The following TMEM243 variants were observed in gnomAD, a reference collection of about 807,000 sequenced individuals.
TMEM243 encodes the protein MDR1 and mitochondrial taxol resistance associated.
TMEM243 carries 20 observed loss-of-function variants against 15.0 expected under a neutral mutation model. The ratio of observed to expected loss-of-function variants is 1.33; its 90% CI spans 0.94 to 1.93. TMEM243 has a LOEUF of 1.93. TMEM243 is among the 30% of genes most tolerant of loss of function. The probability of loss-of-function intolerance (pLI) is 0.00; values close to 1 mark genes in which losing one functional copy is unlikely to be tolerated. For synonymous variants in TMEM243, 72 were observed against 52.7 expected, an observed-to-expected ratio of 1.37 and a Z score of -1.59; for missense variants, 156 against 142.1, an observed-to-expected ratio of 1.10 and a Z score of -0.50.
chr7:87,219,456 G>T lies in TMEM243; in HGVS notation c.48C>A (p.Asn16Lys), dbSNP rs1318481451. ...TRTYGTSGLD[N>K]RPLFGETSAK... is the part of the protein sequence containing the mutation. ...CGGACGTCTCCCCAAACAGAGGTCTGTTGTCCAGGCCACTGGTGCCGTAGG... is the reference window on the plus strand; with the variant it reads ...CGGACGTCTCCCCAAACAGAGGTCTTTTGTCCAGGCCACTGGTGCCGTAGG... The change falls in exon 1 of 4, where the codon AAC becomes AAA. Residue 16 changes from asparagine (N) to lysine (K), a missense_variant. By Grantham distance (94) the Asn-to-Lys change is moderately conservative (BLOSUM62 0). Coordinates refer to ENST00000257637, the MANE Select transcript of TMEM243 (RefSeq NM_024315.4). The T allele has an allele frequency of 5.6e-6, 9 of 1,614,254 alleles. No individual in the cohort carries two copies. Among genetic ancestry groups the T allele is most frequent in the Non-Finnish European group, 5.9e-6 (7 of 1,180,046 alleles).
rs1562884952 is a variant in TMEM243 at position 87,209,669 on chromosome 7, A to ACACAGT, written c.78+9756_78+9757insACTGTG. ...GACAGTGAGAGACAGAGCGAGAGAG[A>ACACAGT]GCGAGAGCGAGACACAGCGAGAGAG... On this transcript the variant is annotated intron_variant, in intron 1 of 3. Transcript: ENST00000257637. 1.3e-3 allele frequency among the ~76,000 whole-genome samples: 131 copies of ACACAGT among 98,426 alleles called. 1 individual carries two copies. Among genetic ancestry groups the ACACAGT allele is most frequent in the Non-Finnish European group, 2.1e-3 (98 of 45,986 alleles). The allele number at this position is 98,426 out of a possible 152,430, so 64.6% of individuals were successfully genotyped here.
chr7:87,200,521 C>T (rs1436837636), intron 1 of TMEM243, among the ~76,000 whole-genome samples: 1 of 152,132 alleles, frequency 6.6e-6, no homozygotes, highest in African/African-American at 2.4e-5. Context: ...TGAAGCACTG[C>T]ATACCTCATA....
chr7:87,197,318 C>T (rs1305343469), intron 3 of TMEM243, among the ~76,000 whole-genome samples: 1 of 150,390 alleles, frequency 6.6e-6, no homozygotes, highest in African/African-American at 2.5e-5. Flanking sequence ...AAGCAAATTA[C>T]TATTGTTTTT....
At chr7:87,215,416 T>A (rs1000078796) in intron 1 of TMEM243, among the ~76,000 whole-genome samples, 127 of 152,330 alleles carry the variant, frequency 8.3e-4, no homozygotes, top group Middle Eastern at 6.8e-3. Flanking sequence ...AAATTTTTTT[T>A]TAAATATTGA....
At chr7:87,219,329 CT>C in intron 1 of TMEM243, 96 bp downstream of exon 1, 1 of 1,226,630 alleles carries the variant, frequency 8.2e-7, no homozygotes, top group Non-Finnish European at 1.2e-6. Context: ...CCTAAAAGTG[CT>C]TTTAGGAGCC....
At chr7:87,206,084 AG>A (rs1209815332) in intron 1 of TMEM243, among the ~76,000 whole-genome samples, 1 of 152,222 alleles carries the variant, frequency 6.6e-6, no homozygotes, top group African/African-American at 2.4e-5. Flanking sequence ...GCCAAGCAAA[AG>A]GGGCTTCCCC....
chr7:87,203,878 T>A (rs1802007254), intron 1 of TMEM243, among the ~76,000 whole-genome samples: 1 of 152,166 alleles, frequency 6.6e-6, no homozygotes, highest in Non-Finnish European at 1.5e-5. Flanking sequence ...AAAGGCATAA[T>A]GTCAACTCAT....
chr7:87,211,473 T>A (rs2129235450), intron 1 of TMEM243, among the ~76,000 whole-genome samples: 1 of 152,292 alleles, frequency 6.6e-6, no homozygotes, highest in East Asian at 1.9e-4. Flanking sequence ...CCTCCAAAGT[T>A]CTGCATTTCT....
Position 87,199,039 on chromosome 7 carries a change from C to G in TMEM243, c.97G>C (p.Val33Leu). The part of the protein sequence containing the change: ...TSAKDRIINL[V>L]VGSLTSLLIL... ...AATAAGGATGTTAAGCTGCCAACAA[C>G]TAAATTGATGATTCGATCCTGAAAG... is the stretch of plus-strand genomic sequence containing the variant. The change falls in exon 2 of 4, where the codon GTT becomes CTT. Residue 33 changes from valine to leucine, a missense_variant. Val to Leu is a conservative substitution (Grantham distance 32). Coordinates refer to ENST00000257637, the MANE Select transcript of TMEM243 (RefSeq NM_024315.4). 1 of 1,606,332 alleles carries G rather than the reference C, an allele frequency of 6.2e-7. No individual in the cohort carries two copies. Among genetic ancestry groups the G allele is most frequent in the Non-Finnish European group, 8.5e-7 (1 of 1,177,384 alleles).
intron 1 of TMEM243, among the ~76,000 whole-genome samples, chr7:87,210,134 GTCATGAGAACTCGT>G (rs1289632815): frequency 6.6e-6 from 1 of 152,048 alleles, no homozygotes; most frequent in Non-Finnish European, 1.5e-5. Context: ...ACCATCTGAT[GTCATGAGAACTCGT>G]TCATGAGACA....
chr7:87,208,760 G>A (rs749536968), intron 1 of TMEM243, among the ~76,000 whole-genome samples: 1 of 152,226 alleles, frequency 6.6e-6, no homozygotes, highest in Admixed American at 6.5e-5. Flanking sequence ...TTGCAGCCTG[G>A]CATCAGCCTG....
At chr7:87,200,512 G>A (rs1359270101) in intron 1 of TMEM243, among the ~76,000 whole-genome samples, 1 of 152,158 alleles carries the variant, frequency 6.6e-6, no homozygotes, top group African/African-American at 2.4e-5. Context: ...TTTCCAAAAT[G>A]AAGCACTGCA....
At chr7:87,216,086 C>G (rs141638434) in intron 1 of TMEM243, among the ~76,000 whole-genome samples, 1 of 151,848 alleles carries the variant, frequency 6.6e-6, no homozygotes, top group African/African-American at 2.4e-5. Flanking sequence ...CTGGCTAACA[C>G]GGTGAAACCC....
chr7:87,199,081 G>A (rs561718816), intron 1 of TMEM243, 24 bp from the exon 2 acceptor site: 1 of 1,596,044 alleles, frequency 6.3e-7, no homozygotes, highest in Admixed American at 1.8e-5. Context: ...GAATTTTTAA[G>A]CCATATGACT....
At position 87,219,514 on chromosome 7, in the gene TMEM243, C is replaced by G; in HGVS notation, c.-11G>C. 1 of 1,613,944 alleles carries G rather than the reference C, an allele frequency of 6.2e-7. No individual in the cohort carries two copies. The highest frequency in any genetic ancestry group is 8.5e-7 in the Non-Finnish European group (1 of 1,179,814). On this transcript the variant is annotated 5_prime_UTR_variant, in exon 1 of 4. Transcript: ENST00000257637. Reference sequence around the variant, plus strand: ...AGCAAAGTCCTCCATTTTGGGGTTTCTTCACTTTCCCCAAGCCACTTAAAA... The same window carrying G: ...AGCAAAGTCCTCCATTTTGGGGTTTGTTCACTTTCCCCAAGCCACTTAAAA...
At position 87,219,565 on chromosome 7, in the gene TMEM243, C is replaced by T. The variant is rs1328747888; in HGVS notation, c.-62G>A. The stretch of plus-strand genomic sequence containing the variant: ...GCAAGACAGCATGACCTCCCGAGGT[C>T]TCAGGTCCACGACTGCAAGCCTCCT... On this transcript the variant is annotated 5_prime_UTR_variant, in exon 1 of 4. Coordinates refer to ENST00000257637, the MANE Select transcript of TMEM243 (RefSeq NM_024315.4). 4.1e-6 allele frequency: 6 copies of T among 1,469,680 alleles called. No homozygotes were observed. The highest frequency in any genetic ancestry group is 5.7e-6 in the Non-Finnish European group (6 of 1,053,452). The allele number at this position is 1,469,680 out of a possible 1,614,324, so 91.0% of individuals were successfully genotyped here. A position where few individuals can be genotyped will look rare whatever the true frequency, so the allele number is the denominator to read the frequency against.
At chr7:87,215,126 G>C (rs1803011727) in intron 1 of TMEM243, among the ~76,000 whole-genome samples, 3 of 152,148 alleles carry the variant, frequency 2.0e-5, no homozygotes, top group African/African-American at 7.2e-5. Context: ...ATACATACTG[G>C]ATTTCAAAGA....
intron 1 of TMEM243, among the ~76,000 whole-genome samples, chr7:87,207,826 G>A (rs905313907): frequency 6.6e-6 from 1 of 152,160 alleles, no homozygotes; most frequent in Non-Finnish European, 1.5e-5. Context: ...CCGATTTCCA[G>A]GTTAGACCTC....
chr7:87,211,027 C>T (rs1318473054), intron 1 of TMEM243, among the ~76,000 whole-genome samples: 1 of 152,224 alleles, frequency 6.6e-6, no homozygotes, highest in Non-Finnish European at 1.5e-5. Flanking sequence ...CACTGGAGTC[C>T]AGGACCTGAT....
Sources: gnomAD v4.1 joint callset for allele counts (sites outside exome capture counted in the v4.1 genomes callset) on GRCh38, gnomAD v4.1.1 for gene constraint, MANE v1.5 for transcripts, NCBI Gene and HGNC (gene_info 2026-07-23, HGNC 2026-07-21) for gene names.